Variants in CSMD2 observed in about 807,000 individuals in gnomAD.
CSMD2 encodes the protein CUB and sushi domain-containing protein 2.
CSMD2 carries 130 observed loss-of-function variants against 398.5 expected under a neutral mutation model. That is an observed-to-expected ratio of 0.33 (90% confidence interval 0.28 to 0.38). The LOEUF (loss-of-function observed/expected upper bound fraction) is 0.38, where lower values mean the gene tolerates loss of function less well. Among genes scored for constraint, CSMD2 ranks in the 10% least tolerant of loss-of-function variants. The pLI is 1.00. For missense variants in CSMD2, 3,829 were observed against 4,764.9 expected (o/e 0.80, Z 5.78); for synonymous variants, 1,828 against 1,908.5 (o/e 0.96, Z 1.10).
At chr1:33,545,133 T>C (rs1656755778) in intron 57 of CSMD2, among the ~76,000 whole-genome samples, 1 of 152,222 alleles carries the variant, frequency 6.6e-6, no homozygotes, top group Non-Finnish European at 1.5e-5. Context: ...GATTATCTCC[T>C]TCCTCTTCCA....
At chr1:33,604,479 C>T (rs999540960) in intron 42 of CSMD2, among the ~76,000 whole-genome samples, 1 of 152,136 alleles carries the variant, frequency 6.6e-6, no homozygotes, top group Admixed American at 6.5e-5. Flanking sequence ...TGAGAAGTCC[C>T]ACTTTACTGA....
chr1:33,668,891 A>C (rs1644399660), intron 25 of CSMD2, among the ~76,000 whole-genome samples: 2 of 152,228 alleles, frequency 1.3e-5, no homozygotes, highest in African/African-American at 4.8e-5. Context: ...CCCTGGAGGA[A>C]ACTTACTGAA....
At position 33,611,198 on chromosome 1, in the gene CSMD2, T is replaced by C; in HGVS notation, c.6186A>G (p.Ile2062Met). 1 of 1,614,114 alleles carries C rather than the reference T, an allele frequency of 6.2e-7. No individual in the cohort carries two copies. Among genetic ancestry groups the C allele is most frequent in the Non-Finnish European group, 8.5e-7 (1 of 1,180,014 alleles). ...NFSTEPNHDYIEIRNGPYETS... is the reference protein window; with the variant it reads ...NFSTEPNHDYMEIRNGPYETS... ...TCTCATAGGGGCCATTCCGGATTTC[T>C]ATGTAGTCGTGGTTGGGCTCGGTGG... The change falls in exon 41 of 71, where the codon ATA (isoleucine) becomes ATG (methionine). Residue 2062 changes from isoleucine to methionine, a missense_variant. Ile to Met is a conservative substitution (Grantham distance 10). Coordinates refer to ENST00000373381, the MANE Select transcript of CSMD2 (RefSeq NM_001281956.2).
At chr1:33,932,645 C>T (rs1644351028) in intron 4 of CSMD2, among the ~76,000 whole-genome samples, 1 of 152,164 alleles carries the variant, frequency 6.6e-6, no homozygotes, top group Admixed American at 6.5e-5. Flanking sequence ...CTTGATTGGA[C>T]ATGAAGACAT....
At chr1:33,759,175 T>G (rs1359999548) in intron 13 of CSMD2, among the ~76,000 whole-genome samples, 1 of 152,030 alleles carries the variant, frequency 6.6e-6, no homozygotes, top group Non-Finnish European at 1.5e-5. Context: ...ATGGAGCCAG[T>G]CTTGTGAGGG....
intron 50 of CSMD2, 112 bp downstream of exon 50, chr1:33,572,391 GTTT>G (rs34459850): frequency 0.44 from 364,497 of 820,712 alleles, 69,376 homozygotes; most frequent in Admixed American, 0.6. Context: ...CCATGTCCAT[GTTT>G]TTTTTTTTTT....
intron 3 of CSMD2, among the ~76,000 whole-genome samples, chr1:33,960,257 AGACCACCTCCTCTGTGC>A (rs1645310047): frequency 6.6e-6 from 1 of 152,158 alleles, no homozygotes; most frequent in South Asian, 2.1e-4. Flanking sequence ...TCTCGGCCTC[AGACCACCTCCTCTGTGC>A]TGGAAACTGT....
chr1:33,739,261 C>A lies in CSMD2; in HGVS notation c.2247G>T (p.Leu749=), dbSNP rs1214938452. The change falls in exon 15 of 71, where the codon CTG becomes CTT. Residue 749 remains leucine (L), a synonymous_variant. Transcript: ENST00000373381. ...CACAGAGGAAGGAGATGGAGCTGCC[C>A]AGCTGGAGGCTGTCCCCAAACCGTT... is the stretch of plus-strand genomic sequence containing the variant. ...NGKRFGDSLQ[L]GSSISFLCDE... is the part of the protein sequence containing the mutation. 5 of 1,614,084 alleles carry A rather than the reference C, an allele frequency of 3.1e-6. No individual in the cohort carries two copies. The Admixed American group carries it at 5.0e-5, about 16-fold the overall frequency.
At chr1:34,117,821 A>G (rs1240380450) in intron 1 of CSMD2, among the ~76,000 whole-genome samples, 3 of 152,224 alleles carry the variant, frequency 2.0e-5, no homozygotes, top group East Asian at 1.9e-4. Flanking sequence ...TGTTCAGCAT[A>G]TGAAAATCCA....
intron 12 of CSMD2, among the ~76,000 whole-genome samples, chr1:33,778,498 C>A (rs986318713): frequency 4.6e-5 from 7 of 152,158 alleles, no homozygotes; most frequent in African/African-American, 7.2e-5. Flanking sequence ...ACCCAGCCCC[C>A]CTCACTCCCA....
chr1:33,941,622 G>T (rs1158183993), intron 3 of CSMD2, among the ~76,000 whole-genome samples: 3 of 152,160 alleles, frequency 2.0e-5, no homozygotes, highest in Non-Finnish European at 4.4e-5. Flanking sequence ...TCCCAGATCT[G>T]TGCTAGGCAC....
At chr1:33,721,924 T>A (rs1389765744) in intron 19 of CSMD2, among the ~76,000 whole-genome samples, 1 of 152,246 alleles carries the variant, frequency 6.6e-6, no homozygotes, top group Non-Finnish European at 1.5e-5. Flanking sequence ...CTGTTTTCTA[T>A]GCAAACAAGG....
At position 33,951,324 on chromosome 1, in the gene CSMD2, G is replaced by A. The variant is rs1025685930; in HGVS notation, c.518-15370C>T. Among the ~76,000 whole-genome samples the A allele has an allele frequency of 2.6e-5, 4 of 152,346 alleles. No homozygotes were observed. The South Asian group carries it at 6.2e-4, about 24-fold the overall frequency. The stretch of plus-strand genomic sequence containing the variant: ...TCATTCATTAACTCATTCAACTGGT[G>A]TCTTCACACCTTGGTGGTTTGCTGG... On this transcript the variant is annotated intron_variant, in intron 3 of 70. Transcript: ENST00000373381.
intron 5 of CSMD2, among the ~76,000 whole-genome samples, chr1:33,890,232 C>CTTT (rs11417145): frequency 6.1e-5 from 8 of 130,416 alleles, no homozygotes; most frequent in East Asian, 2.2e-4. Context: ...CTTTTTCTTT[C>CTTT]TTTTTTTTTT....
chr1:33,764,035 G>A (rs561923635), intron 13 of CSMD2, among the ~76,000 whole-genome samples: 10 of 152,172 alleles, frequency 6.6e-5, no homozygotes, highest in African/African-American at 2.2e-4. Flanking sequence ...ATACTTTGCC[G>A]GGATACACCC....
chr1:34,144,807 G>A (rs1639617649), intron 1 of CSMD2, among the ~76,000 whole-genome samples: 1 of 152,214 alleles, frequency 6.6e-6, no homozygotes, highest in African/African-American at 2.4e-5. Context: ...CCAGACCCCT[G>A]TGGCTCTTCA....
At chr1:33,882,431 G>C (rs761835362) in intron 5 of CSMD2, among the ~76,000 whole-genome samples, 1 of 152,156 alleles carries the variant, frequency 6.6e-6, no homozygotes, top group Non-Finnish European at 1.5e-5. Flanking sequence ...CCTATGTCAC[G>C]ACTCTTCCCA....
chr1:33,859,733 G>A (rs1287246622), intron 5 of CSMD2, among the ~76,000 whole-genome samples: 11 of 152,180 alleles, frequency 7.2e-5, no homozygotes, highest in Non-Finnish European at 1.6e-4. Flanking sequence ...CTTATGCCAG[G>A]TATGTTTGCT....
intron 25 of CSMD2, among the ~76,000 whole-genome samples, chr1:33,673,336 C>A (rs146805407): frequency 6.6e-6 from 1 of 152,052 alleles, no homozygotes; most frequent in Non-Finnish European, 1.5e-5. Flanking sequence ...GTAGCTGATG[C>A]GTTCAACTGT....
Sources: allele counts gnomAD v4.1 joint callset (sites outside exome capture counted in the v4.1 genomes callset), GRCh38; gene constraint gnomAD v4.1.1; transcripts MANE v1.5; gene names NCBI Gene and HGNC (gene_info 2026-07-23, HGNC 2026-07-21).